Variants in MRTFB observed in about 807,000 individuals in gnomAD.
MRTFB encodes the protein myocardin related transcription factor B.
In MRTFB, 29 loss-of-function variants were observed where a neutral mutation model predicts 104.2. The observed-to-expected ratio is 0.28, with a 90% CI of 0.21 to 0.38. The LOEUF is 0.38. Ranked by LOEUF, MRTFB falls within the 10% of genes least tolerant of loss-of-function variation. The probability of loss-of-function intolerance (pLI) is 1.00; values close to 1 mark genes in which losing one functional copy is unlikely to be tolerated. For missense variants in MRTFB, 1,270 were observed against 1,341.6 expected (o/e 0.95, Z 0.83); for synonymous variants, 535 against 519.5 (o/e 1.03, Z -0.41).
At chr16:14,186,885 G>A in intron 3 of MRTFB, 5 of 1,597,996 alleles carry the variant, frequency 3.1e-6, no homozygotes, top group Non-Finnish European at 4.2e-6. Context: ...TCTCCTGCTT[G>A]ATGCTGCCTG....
chr16:14,080,330 G>A (rs1379288711), intron 2 of MRTFB, among the ~76,000 whole-genome samples: 1 of 152,108 alleles, frequency 6.6e-6, no homozygotes, highest in African/African-American at 2.4e-5. Flanking sequence ...TAATGTATAT[G>A]TAACTTTTTT....
At chr16:14,040,460 C>G in the MRTFB span, among the ~76,000 whole-genome samples, 1 of 132,066 alleles carries the variant, frequency 7.6e-6, no homozygotes, top group African/African-American at 2.5e-5. Flanking sequence ...TATAATATTA[C>G]TAAATCTTTT....
the MRTFB span, among the ~76,000 whole-genome samples, chr16:14,029,424 A>G: frequency 6.0e-5 from 3 of 50,390 alleles, no homozygotes; most frequent in African/African-American, 1.4e-4. Context: ...AAAAAAATAT[A>G]TATATATATA....
chr16:14,160,329 C>A (rs190375254), intron 3 of MRTFB, among the ~76,000 whole-genome samples: 243 of 152,194 alleles, frequency 1.6e-3, no homozygotes, highest in Non-Finnish European at 2.6e-3. Flanking sequence ...TCCTAGTGAT[C>A]AGTTTAGGCT....
intron 10 of MRTFB, among the ~76,000 whole-genome samples, chr16:14,242,553 A>G (rs1335466687): frequency 6.6e-6 from 1 of 152,232 alleles, no homozygotes; most frequent in Non-Finnish European, 1.5e-5. Flanking sequence ...TAGAGTGCCC[A>G]TAGTGGTGGG....
intron 2 of MRTFB, among the ~76,000 whole-genome samples, chr16:14,111,805 T>G (rs753670980): frequency 1.3e-5 from 2 of 152,120 alleles, no homozygotes; most frequent in African/African-American, 4.8e-5. Context: ...CTTTCTACCT[T>G]TCACCCTCAA....
At chr16:14,220,957 C>T (rs1291186690) in intron 8 of MRTFB, among the ~76,000 whole-genome samples, 1 of 152,148 alleles carries the variant, frequency 6.6e-6, no homozygotes, top group Non-Finnish European at 1.5e-5. Flanking sequence ...ATGAAACCCC[C>T]TTGTATTAAG....
chr16:14,134,642 C>A (rs142129390), intron 2 of MRTFB, among the ~76,000 whole-genome samples: 33 of 152,322 alleles, frequency 2.2e-4, no homozygotes, highest in Admixed American at 5.9e-4. Flanking sequence ...TGTAGGCCTT[C>A]AGTACACATG....
chr16:14,198,032 C>T (rs2040517437), intron 3 of MRTFB, among the ~76,000 whole-genome samples: 1 of 152,186 alleles, frequency 6.6e-6, no homozygotes, highest in Non-Finnish European at 1.5e-5. Context: ...AATCTGCACT[C>T]TGTCTCTGAA....
chr16:14,046,608 C>G, the MRTFB span, among the ~76,000 whole-genome samples: 1 of 152,108 alleles, frequency 6.6e-6, no homozygotes, highest in African/African-American at 2.4e-5. Context: ...GTGTCAGCAT[C>G]TCTCCCCTGC....
At chr16:14,108,683 A>T (rs1296656035) in intron 2 of MRTFB, among the ~76,000 whole-genome samples, 1 of 152,222 alleles carries the variant, frequency 6.6e-6, no homozygotes, top group South Asian at 2.1e-4. Flanking sequence ...TTTATTTTTA[A>T]AGAGAATACT....
the MRTFB span, among the ~76,000 whole-genome samples, chr16:14,012,116 A>C: frequency 6.6e-6 from 1 of 152,052 alleles, no homozygotes; most frequent in African/African-American, 2.4e-5. Flanking sequence ...GGAAAGTGGG[A>C]GGGAAAAGTG....
chr16:13,997,341 C>T, the MRTFB span, among the ~76,000 whole-genome samples: 3 of 152,126 alleles, frequency 2.0e-5, no homozygotes, highest in South Asian at 6.2e-4. Context: ...GTTTATTGGG[C>T]AACTTTGAGC....
chr16:14,033,901 G>A, the MRTFB span, among the ~76,000 whole-genome samples: 1 of 151,844 alleles, frequency 6.6e-6, no homozygotes, highest in East Asian at 1.9e-4. Flanking sequence ...ACTGTGTGGT[G>A]AGTGTGGTTC....
chr16:14,057,608 G>A, the MRTFB span, among the ~76,000 whole-genome samples: 4 of 152,126 alleles, frequency 2.6e-5, no homozygotes, highest in African/African-American at 7.2e-5. Flanking sequence ...CTGGGACTTG[G>A]TTTTTTCCTT....
chr16:14,111,123 ATACCT>A (rs2036246428), intron 2 of MRTFB, among the ~76,000 whole-genome samples: 1 of 152,148 alleles, frequency 6.6e-6, no homozygotes, highest in Non-Finnish European at 1.5e-5. Context: ...TTTCCCCTAA[ATACCT>A]TAGCCTATAA....
intron 3 of MRTFB, among the ~76,000 whole-genome samples, chr16:14,185,194 A>G (rs1390571964): frequency 6.6e-6 from 1 of 152,186 alleles, no homozygotes; most frequent in African/African-American, 2.4e-5. Context: ...ATGGACTTAA[A>G]TTGCTTCAGA....
At chr16:14,175,500 T>A (rs1420607170) in intron 3 of MRTFB, among the ~76,000 whole-genome samples, 1 of 152,254 alleles carries the variant, frequency 6.6e-6, no homozygotes, top group Non-Finnish European at 1.5e-5. Context: ...TCATTCATTA[T>A]GGGCAGATGA....
chr16:14,044,057 T>C, the MRTFB span, among the ~76,000 whole-genome samples: 1 of 152,186 alleles, frequency 6.6e-6, no homozygotes, highest in African/African-American at 2.4e-5. Flanking sequence ...ATTTAGGTGA[T>C]CCCACCAAAA....
Sources: allele counts gnomAD v4.1 joint callset (sites outside exome capture counted in the v4.1 genomes callset), GRCh38; gene constraint gnomAD v4.1.1; transcripts MANE v1.5; gene names NCBI Gene and HGNC (gene_info 2026-07-23, HGNC 2026-07-21).